Variants in NEMP2 observed in about 807,000 individuals in gnomAD.
NEMP2 encodes nuclear envelope integral membrane protein 2.
NEMP2 carries 53 observed loss-of-function variants against 54.2 expected under a neutral mutation model. That is an observed-to-expected ratio of 0.98 (90% CI 0.78 to 1.23). The LOEUF (loss-of-function observed/expected upper bound fraction) is 1.23, where lower values mean the gene tolerates loss of function less well. Among genes scored for constraint, NEMP2 ranks in the 50% most tolerant of loss-of-function variants. The pLI is 0.00. For missense variants in NEMP2, 455 were observed against 511.3 expected, an observed-to-expected ratio of 0.89 and a Z score of 1.06; for synonymous variants, 197 against 190.3, an observed-to-expected ratio of 1.04 and a Z score of -0.29.
At chr2:190,615,590 C>G in the NEMP2 span, among the ~76,000 whole-genome samples, 1 of 152,166 alleles carries the variant, frequency 6.6e-6, no homozygotes, top group African/African-American at 2.4e-5. The surrounding 1 kb of genome is among the most constrained non-coding windows in gnomAD (Gnocchi z 4.7). Flanking sequence ...ATTGATAAAT[C>G]ACTGGCCATC....
At chr2:190,610,733 G>A in the NEMP2 span, 1 of 152,234 alleles carries the variant, frequency 6.6e-6, no homozygotes, top group Non-Finnish European at 1.5e-5. This position sits in a 1 kb window ranked among gnomAD's most constrained non-coding sequence, Gnocchi z 5.4. Flanking sequence ...AAACAAATAT[G>A]CTCCAAATTT....
chr2:190,477,077 A>G, the NEMP2 span: 1 of 134,228 alleles, frequency 7.5e-6, no homozygotes, highest in Non-Finnish European at 1.5e-5. Flanking sequence ...GGGGGGAGGG[A>G]TAGCATTAGG....
At chr2:190,489,319 T>C in the NEMP2 span, among the ~76,000 whole-genome samples, 1 of 152,248 alleles carries the variant, frequency 6.6e-6, no homozygotes, top group African/African-American at 2.4e-5. The surrounding 1 kb of genome is among the most constrained non-coding windows in gnomAD (Gnocchi z 6.6). Flanking sequence ...AATGAGATTA[T>C]TCTGCTCCAG....
At chr2:190,465,227 TG>T in the NEMP2 span, among the ~76,000 whole-genome samples, 3 of 152,340 alleles carry the variant, frequency 2.0e-5, no homozygotes, top group African/African-American at 7.2e-5. This position sits in a 1 kb window ranked among gnomAD's most constrained non-coding sequence, Gnocchi z 4.6. Context: ...TAGTGTTTTC[TG>T]CTGCATCATT....
chr2:190,510,478 T>C lies in NEMP2; in HGVS notation c.1013A>G (p.Glu338Gly). Residue 338 changes from glutamate (E) to glycine (G), a missense_variant, in exon 8 of 9, where the codon GAG becomes GGG. By Grantham distance (98) the Glu-to-Gly change is moderately conservative. This residue lies in a region of NEMP2 where 294 missense variants were observed against 333.6 expected (regional missense o/e 0.88). Transcript: ENST00000409150. The surrounding 1 kb of genome is among the most constrained non-coding windows in gnomAD (Gnocchi z 5.7). ...ELVVKYLTED[E>G]YREQADAETN... is the part of the protein sequence containing the mutation. ...TTCAGCATCAGCTTGCTCCCTGTAC[T>C]CGTCTTCCGTAAGATATTTCACCAC... is the stretch of plus-strand genomic sequence containing the variant. 1 of 1,551,910 alleles carries C rather than the reference T, an allele frequency of 6.4e-7. No individual in the cohort carries two copies. The highest frequency in any genetic ancestry group is 1.4e-5 in the African/African-American group (1 of 73,166).
At chr2:190,544,282 T>C in the NEMP2 span, among the ~76,000 whole-genome samples, 1 of 152,194 alleles carries the variant, frequency 6.6e-6, no homozygotes, top group African/African-American at 2.4e-5. Flanking sequence ...CATATACTAG[T>C]TCAGTAATTT....
At chr2:190,538,811 G>A (rs1347454108), upstream of NEMP2, among the ~76,000 whole-genome samples, 1 of 151,948 alleles carries the variant, frequency 6.6e-6, no homozygotes, top group African/African-American at 2.4e-5. The surrounding 1 kb of genome is among the most constrained non-coding windows in gnomAD (Gnocchi z 4.1). Context: ...TGGATTATTT[G>A]GGGTTTTTTG....
chr2:190,568,541 G>A, the NEMP2 span, among the ~76,000 whole-genome samples: 6 of 151,746 alleles, frequency 4.0e-5, no homozygotes, highest in South Asian at 2.1e-4. The surrounding 1 kb of genome is among the most constrained non-coding windows in gnomAD (Gnocchi z 4.7). Flanking sequence ...AATAATTATC[G>A]GCCGGGCACA....
At chr2:190,627,276 A>C in the NEMP2 span, among the ~76,000 whole-genome samples, 1 of 152,230 alleles carries the variant, frequency 6.6e-6, no homozygotes. The surrounding 1 kb of genome is among the most constrained non-coding windows in gnomAD (Gnocchi z 4.4). Flanking sequence ...CTTTTCTTTG[A>C]CTATATGGCA....
chr2:190,436,550 A>G, the NEMP2 span: 64 of 1,614,124 alleles, frequency 4.0e-5, no homozygotes, highest in South Asian at 4.5e-4. The surrounding 1 kb of genome is among the most constrained non-coding windows in gnomAD (Gnocchi z 5.3). Flanking sequence ...AATGCAAGTC[A>G]CCAGTTAACT....
chr2:190,445,518 G>A, the NEMP2 span, among the ~76,000 whole-genome samples: 1 of 145,602 alleles, frequency 6.9e-6, no homozygotes, highest in African/African-American at 2.5e-5. Flanking sequence ...TTCTGACTCT[G>A]CCAGCCTTTC....
At chr2:190,545,316 A>G in the NEMP2 span, among the ~76,000 whole-genome samples, 2 of 152,192 alleles carry the variant, frequency 1.3e-5, no homozygotes, top group African/African-American at 2.4e-5. Flanking sequence ...CCATTAGGAA[A>G]CATTTTTTTC....
the NEMP2 span, among the ~76,000 whole-genome samples, chr2:190,440,537 C>T: frequency 2.6e-5 from 4 of 152,172 alleles, no homozygotes; most frequent in Admixed American, 2.6e-4. Flanking sequence ...CTTCACATTG[C>T]TTAACATTTT....
At chr2:190,569,859 A>C in the NEMP2 span, among the ~76,000 whole-genome samples, 1 of 152,224 alleles carries the variant, frequency 6.6e-6, no homozygotes, top group South Asian at 2.1e-4. Context: ...GACTTTTCTC[A>C]AGCTTTAATG....
At chr2:190,642,063 T>C in the NEMP2 span, among the ~76,000 whole-genome samples, 1 of 152,252 alleles carries the variant, frequency 6.6e-6, no homozygotes, top group Non-Finnish European at 1.5e-5. The surrounding 1 kb of genome is among the most constrained non-coding windows in gnomAD (Gnocchi z 4.1). Flanking sequence ...ATGTGTAGTA[T>C]AAATTTGCTT....
chr2:190,526,887 C>G (rs902039607), intron 1 of NEMP2, among the ~76,000 whole-genome samples: 12 of 151,988 alleles, frequency 7.9e-5, no homozygotes, highest in Non-Finnish European at 1.6e-4. Context: ...TATAATACAA[C>G]TCAACATAAC....
chr2:190,489,965 A>C, the NEMP2 span: 4 of 995,658 alleles, frequency 4.0e-6, no homozygotes, highest in South Asian at 1.8e-5. The surrounding 1 kb of genome is among the most constrained non-coding windows in gnomAD (Gnocchi z 6.6). Flanking sequence ...AGTATACAAC[A>C]GGTCTGTTTG....
At chr2:190,577,064 A>C in the NEMP2 span, among the ~76,000 whole-genome samples, 1 of 152,236 alleles carries the variant, frequency 6.6e-6, no homozygotes, top group East Asian at 1.9e-4. This position sits in a 1 kb window ranked among gnomAD's most constrained non-coding sequence, Gnocchi z 4.8. Flanking sequence ...CCTGGTCTTA[A>C]GATGCCATTG....
At chr2:190,532,910 C>T (rs1016287491) in intron 1 of NEMP2, among the ~76,000 whole-genome samples, 1 of 152,178 alleles carries the variant, frequency 6.6e-6, no homozygotes, top group Non-Finnish European at 1.5e-5. Flanking sequence ...ACAAAAGTTG[C>T]CATTCTTCTT....
Sources: allele counts gnomAD v4.1 joint callset (sites outside exome capture counted in the v4.1 genomes callset), GRCh38; gene constraint gnomAD v4.1.1; regional missense constraint gnomAD v4.1.1; non-coding constraint Gnocchi (gnomAD v3.1); transcripts MANE v1.5; gene names NCBI Gene and HGNC (gene_info 2026-07-23, HGNC 2026-07-21).